The following ATG4D variants were observed in gnomAD, a reference collection of about 807,000 sequenced individuals.
ATG4D encodes the protein autophagy related 4D cysteine peptidase, also known as cysteine protease ATG4D.
A neutral mutation model predicts 55.2 loss-of-function variants in ATG4D; 51 were observed. The observed-to-expected ratio is 0.92, with a 90% CI of 0.74 to 1.17. The LOEUF is 1.17. ATG4D is among the 50% of genes most tolerant of loss of function. The probability of loss-of-function intolerance (pLI) is 0.00; values close to 1 mark genes in which losing one functional copy is unlikely to be tolerated. For synonymous variants in ATG4D, 268 were observed against 266.2 expected (o/e 1.01, Z -0.07); for missense variants, 635 against 649.6 (o/e 0.98, Z 0.25).
chr19:10,544,590 C>T (rs1915971895), intron 1 of ATG4D, 193 bp from the exon 2 acceptor site: 2 of 1,200,912 alleles, frequency 1.7e-6, no homozygotes, highest in Non-Finnish European at 2.3e-6. Context: ...ATCAGAACTA[C>T]CTTCCTTCAT....
Position 10,543,933 on chromosome 19 carries a change from C to G in ATG4D, c.-158C>G, listed in dbSNP as rs988908488. 3 of 427,936 alleles carry G rather than the reference C, an allele frequency of 7.0e-6. No individual in the cohort carries two copies. Among genetic ancestry groups the G allele is most frequent in the Admixed American group, 4.5e-5 (1 of 22,014 alleles). The allele number at this position is 427,936 out of a possible 1,614,324, so 26.5% of individuals were successfully genotyped here. A position where few individuals can be genotyped will look rare whatever the true frequency, so the allele number is the denominator to read the frequency against. On this transcript the variant is annotated 5_prime_UTR_variant, in exon 1 of 10. Transcript: ENST00000309469. ...TGGCCCGCTAAGATGGCGATGGCTG[C>G]GGTAGCAGCGGCGGCGGCTGTTGCC...
intron 9 of ATG4D, 52 bp from the exon 10 acceptor site, chr19:10,552,833 G>A (rs1916325101): frequency 1.3e-6 from 2 of 1,548,502 alleles, no homozygotes; most frequent in African/African-American, 1.4e-5. Flanking sequence ...CTGGGCTAAG[G>A]AATATGGCTT....
chr19:10,544,124 C>A lies in ATG4D; in HGVS notation c.34C>A (p.Arg12=). Residue 12 remains arginine (R), a synonymous_variant, in exon 1 of 10, where the codon CGG becomes AGG. Coordinates refer to ENST00000309469, the MANE Select transcript of ATG4D (RefSeq NM_032885.6). ...NSVSPAAAQY[R]SSSPEDARRR... ...AGTGTCGCCGGCCGCCGCGCAGTAC[C>A]GGAGCAGCAGCCCGGAGGACGCGCG... 3.2e-6 allele frequency: 4 copies of A among 1,243,208 alleles called. No individual in the cohort carries two copies. Among genetic ancestry groups the A allele is most frequent in the Non-Finnish European group, 4.1e-6 (4 of 986,414 alleles). The allele number at this position is 1,243,208 out of a possible 1,614,324, so 77.0% of individuals were successfully genotyped here.
At chr19:10,552,165 G>A (rs1303910385) in intron 8 of ATG4D, 40 bp from the exon 9 acceptor site, 2 of 1,609,900 alleles carry the variant, frequency 1.2e-6, no homozygotes, top group African/African-American at 2.7e-5. Flanking sequence ...TGGCGGGTGG[G>A]CAGCCCAGCC....
intron 9 of ATG4D, among the ~76,000 whole-genome samples, chr19:10,552,621 C>T (rs1916310353): frequency 6.6e-6 from 1 of 152,154 alleles, no homozygotes; most frequent in Admixed American, 6.5e-5. Flanking sequence ...GAGAGATGGC[C>T]ACCAGCCATT....
At position 10,549,989 on chromosome 19, in the gene ATG4D, T is replaced by C. The variant is rs147242928; in HGVS notation, c.966+955T>C. ...TCATTTGAGACCAGTCTGGGCAACA[T>C]AGTGAGACCCCCATCTCTACACAAT... On this transcript the variant is annotated intron_variant, in intron 6 of 9. Coordinates refer to ENST00000309469, the MANE Select transcript of ATG4D (RefSeq NM_032885.6). 3.7e-3 allele frequency among the ~76,000 whole-genome samples: 556 copies of C among 150,764 alleles called. 7 individuals carry two copies. Among genetic ancestry groups the C allele is most frequent in the African/African-American group, 0.013 (518 of 41,008 alleles).
At position 10,552,083 on chromosome 19, in the gene ATG4D, C is replaced by T. The variant is rs1916273856; in HGVS notation, c.1084C>T (p.Pro362Ser). 1 of 1,611,558 alleles carries T rather than the reference C, an allele frequency of 6.2e-7. No homozygotes were observed. Among genetic ancestry groups the T allele is most frequent in the Admixed American group, 1.7e-5 (1 of 59,964 alleles). Reference protein sequence around the residue: ...LLYLDPHYCQPTVDVSQADFP... With the variant: ...LLYLDPHYCQSTVDVSQADFP... The stretch of plus-strand genomic sequence containing the variant: ...GTACCTGGACCCTCACTACTGCCAG[C>T]CCACTGTGGATGTCAGCCAGGCCGA... The change falls in exon 8 of 10, where the codon CCC becomes TCC. Residue 362 changes from proline (P) to serine (S), a missense_variant. Physicochemically the swap from Pro to Ser is moderately conservative, Grantham distance 74 (BLOSUM62 -1). Coordinates refer to ENST00000309469, the MANE Select transcript of ATG4D (RefSeq NM_032885.6).
chr19:10,549,078 C>T, intron 6 of ATG4D, 44 bp downstream of exon 6: 2 of 1,610,094 alleles, frequency 1.2e-6, no homozygotes, highest in African/African-American at 1.3e-5. Flanking sequence ...TGGGAGCCCT[C>T]CAGACTTGTT....
chr19:10,544,756 C>G, intron 1 of ATG4D, 27 bp from the exon 2 acceptor site: 1 of 1,612,514 alleles, frequency 6.2e-7, no homozygotes, highest in Non-Finnish European at 8.5e-7. Context: ...CTTCATCTCG[C>G]TGGGCGCTGC....
chr19:10,548,573 C>G (rs1044304172), intron 5 of ATG4D, among the ~76,000 whole-genome samples: 2 of 152,000 alleles, frequency 1.3e-5, no homozygotes, highest in Non-Finnish European at 2.9e-5. Flanking sequence ...ATTGGCAAAC[C>G]GAGGCATGGA....
In ATG4D at chr19:10,553,117, G is replaced by A; in HGVS notation, c.*50G>A. 1 of 1,515,468 alleles carries A rather than the reference G, an allele frequency of 6.6e-7. No homozygotes were observed. The highest frequency in any genetic ancestry group is 8.8e-7 in the Non-Finnish European group (1 of 1,132,722). 93.9% of individuals were successfully genotyped at this position (1,515,468 alleles called of 1,614,324 possible). ...CAACACTATTTATTTTTTTATTTATGTCATGTCGGGTGTGGGATCTTGAGC... is the reference window on the plus strand; with the variant it reads ...CAACACTATTTATTTTTTTATTTATATCATGTCGGGTGTGGGATCTTGAGC... On this transcript the variant is annotated 3_prime_UTR_variant, in exon 10 of 10. Transcript: ENST00000309469.
Position 10,552,957 on chromosome 19 carries a change from A to T in ATG4D, c.1315A>T (p.Ser439Cys), listed in dbSNP as rs1330428490. Residue 439 changes from serine (S) to cysteine (C), a missense_variant, in exon 10 of 10, where the codon AGC becomes TGC. Transcript: ENST00000309469. Reference protein sequence around the residue: ...TLAEGHAQDHSLDDLCSQLAQ... With the variant: ...TLAEGHAQDHCLDDLCSQLAQ... Reference sequence around the variant, plus strand: ...GGCCGAGGGCCATGCTCAGGACCACAGCCTGGACGACCTCTGCTCCCAGCT... The same window carrying T: ...GGCCGAGGGCCATGCTCAGGACCACTGCCTGGACGACCTCTGCTCCCAGCT... 6.2e-7 allele frequency: 1 copy of T among 1,613,764 alleles called. No homozygotes were observed. The highest frequency in any genetic ancestry group is 2.2e-5 in the East Asian group (1 of 44,866).
chr19:10,545,144 G>T lies in ATG4D; in HGVS notation c.493+14G>T. On this transcript the variant is annotated intron_variant, in intron 3 of 9. Coordinates refer to ENST00000309469, the MANE Select transcript of ATG4D (RefSeq NM_032885.6). The stretch of plus-strand genomic sequence containing the variant: ...TCCTGCCCAGAGGTGAGCCATAGGG[G>T]GGAAGGGGTGCACTAGGAGTACAGG... 2.5e-6 allele frequency: 4 copies of T among 1,605,674 alleles called. No individual in the cohort carries two copies. Among genetic ancestry groups the T allele is most frequent in the Non-Finnish European group, 2.5e-6 (3 of 1,179,748 alleles).
chr19:10,546,405 G>A (rs1437846398), intron 3 of ATG4D, among the ~76,000 whole-genome samples: 1 of 151,348 alleles, frequency 6.6e-6, no homozygotes. Context: ...AAGTGCAGTG[G>A]AGAGATCTTG....
rs1915986258 is a variant in ATG4D, at chr19:10,544,984, TTG to T, written c.351_352del (p.Ser118ProfsTer60). ...GACATACAGCGTTTCCAGCGGGACT[TTG>T]TGTCCCGCCTGTGGCTCACATACCG... is the stretch of plus-strand genomic sequence containing the variant. On this transcript the variant is annotated frameshift_variant, in exon 3 of 10. Coordinates refer to ENST00000309469, the MANE Select transcript of ATG4D (RefSeq NM_032885.6). LOFTEE classifies it high-confidence loss of function. 1 of 1,597,420 alleles carries T rather than the reference TTG, an allele frequency of 6.3e-7. No homozygotes were observed. Among genetic ancestry groups the T allele is most frequent in the South Asian group, 1.1e-5 (1 of 89,098 alleles).
chr19:10,545,647 G>A (rs1186700568), intron 3 of ATG4D, among the ~76,000 whole-genome samples: 1 of 151,718 alleles, frequency 6.6e-6, no homozygotes, highest in African/African-American at 2.4e-5. Flanking sequence ...GGAGGCTGAG[G>A]CTGGTGGATC....
intron 6 of ATG4D, 91 bp downstream of exon 6, chr19:10,549,125 T>A: frequency 3.4e-5 from 49 of 1,454,002 alleles, no homozygotes; most frequent in South Asian, 2.0e-4. Flanking sequence ...GCAGCCCTCA[T>A]CACTTTTTTT....
intron 3 of ATG4D, among the ~76,000 whole-genome samples, chr19:10,545,520 CAAGATCGCACCACTG>C (rs1020368591): frequency 8.6e-5 from 13 of 151,704 alleles, no homozygotes; most frequent in African/African-American, 3.1e-4. Flanking sequence ...TACAGCAAGC[CAAGATCGCACCACTG>C]CACTCCAGCC....
At chr19:10,550,871 CT>C (rs1294757067) in intron 6 of ATG4D, among the ~76,000 whole-genome samples, 1 of 152,042 alleles carries the variant, frequency 6.6e-6, no homozygotes, top group Non-Finnish European at 1.5e-5. Context: ...GCCACCACTC[CT>C]GGCTAATTTT....
Sources: gnomAD v4.1 joint callset for allele counts (sites outside exome capture counted in the v4.1 genomes callset) on GRCh38, gnomAD v4.1.1 for gene constraint, MANE v1.5 for transcripts, NCBI Gene and HGNC (gene_info 2026-07-23, HGNC 2026-07-21) for gene names.